The following GRIK3 variants were observed in gnomAD, a reference collection of about 807,000 sequenced individuals.
The protein encoded by GRIK3 is glutamate ionotropic receptor kainate type subunit 3, also known as glutamate receptor ionotropic, kainate 3.
GRIK3 carries 29 observed loss-of-function variants against 102.5 expected under a neutral mutation model. The observed-to-expected ratio is 0.28, with a 90% CI of 0.21 to 0.39. The LOEUF (loss-of-function observed/expected upper bound fraction) is 0.39, where lower values mean the gene tolerates loss of function less well. Among genes scored for constraint, GRIK3 ranks in the 10% least tolerant of loss-of-function variants. The pLI, the probability that GRIK3 is intolerant of heterozygous loss-of-function variation, is 1.00. For missense variants in GRIK3, 908 were observed against 1,252.4 expected (o/e 0.73, Z 4.15); for synonymous variants, 511 against 504.9 (o/e 1.01, Z -0.16).
At chr1:36,844,325 A>C (rs1418402336) in intron 9 of GRIK3, among the ~76,000 whole-genome samples, 1 of 152,256 alleles carries the variant, frequency 6.6e-6, no homozygotes, top group East Asian at 1.9e-4. Flanking sequence ...CCAAGCAGGC[A>C]GCTCAACAAG....
intron 1 of GRIK3, among the ~76,000 whole-genome samples, chr1:37,013,735 G>A (rs539165785): frequency 4.7e-4 from 72 of 152,336 alleles, no homozygotes; most frequent in African/African-American, 1.7e-3. Flanking sequence ...GCAGCTCCAG[G>A]GAAGAATGCA....
At chr1:36,925,594 C>T (rs1170953809) in intron 1 of GRIK3, among the ~76,000 whole-genome samples, 2 of 152,374 alleles carry the variant, frequency 1.3e-5, no homozygotes, top group East Asian at 3.9e-4. Context: ...TCTGGCCTGG[C>T]CTTGCAGTGT....
chr1:36,983,484 C>T (rs924160254), intron 1 of GRIK3, among the ~76,000 whole-genome samples: 1 of 152,116 alleles, frequency 6.6e-6, no homozygotes, highest in Non-Finnish European at 1.5e-5. Context: ...CAGGGACTGT[C>T]CTTGGTGCTC....
intron 1 of GRIK3, among the ~76,000 whole-genome samples, chr1:36,918,337 T>C (rs772652230): frequency 1.2e-4 from 19 of 152,350 alleles, no homozygotes; most frequent in Non-Finnish European, 2.4e-4. Context: ...TTCTGCCCTA[T>C]GTCCCTTTAA....
chr1:37,007,622 G>A (rs759236735), intron 1 of GRIK3, among the ~76,000 whole-genome samples: 2 of 152,234 alleles, frequency 1.3e-5, no homozygotes, highest in Non-Finnish European at 2.9e-5. Context: ...ACGCACAAAC[G>A]CTCCCGCACT....
intron 1 of GRIK3, among the ~76,000 whole-genome samples, chr1:36,901,985 T>G (rs747701543): frequency 2.0e-5 from 3 of 152,188 alleles, no homozygotes; most frequent in Non-Finnish European, 4.4e-5. Flanking sequence ...TACATTAACA[T>G]GCAAAGAAAA....
At chr1:36,894,094 C>T (rs1641147295) in intron 1 of GRIK3, among the ~76,000 whole-genome samples, 1 of 152,172 alleles carries the variant, frequency 6.6e-6, no homozygotes, top group Non-Finnish European at 1.5e-5. Context: ...TTACTGAGTT[C>T]TATGACCATA....
intron 1 of GRIK3, among the ~76,000 whole-genome samples, chr1:36,929,077 AG>A (rs1641560595): frequency 6.6e-6 from 1 of 152,182 alleles, no homozygotes; most frequent in South Asian, 2.1e-4. Context: ...TTTACAGATG[AG>A]GAAACTGAGT....
chr1:36,888,029 C>T (rs769060110), intron 2 of GRIK3, among the ~76,000 whole-genome samples: 1 of 152,108 alleles, frequency 6.6e-6, no homozygotes, highest in Non-Finnish European at 1.5e-5. Context: ...GACCCGCATA[C>T]TTCCACTCCT....
chr1:36,934,649 A>G (rs1373735913), intron 1 of GRIK3, among the ~76,000 whole-genome samples: 2 of 152,198 alleles, frequency 1.3e-5, no homozygotes, highest in Non-Finnish European at 2.9e-5. Context: ...TGCAAAGCAG[A>G]GAGATCTCTC....
chr1:36,977,464 G>A (rs551722245), intron 1 of GRIK3, among the ~76,000 whole-genome samples: 1 of 152,340 alleles, frequency 6.6e-6, no homozygotes, highest in African/African-American at 2.4e-5. Flanking sequence ...TGTAAAAACA[G>A]CAGCTTGAGC....
intron 1 of GRIK3, among the ~76,000 whole-genome samples, chr1:36,937,327 G>A (rs566787314): frequency 1.4e-4 from 21 of 152,300 alleles, no homozygotes; most frequent in African/African-American, 3.6e-4. Flanking sequence ...CAGCCACCAC[G>A]TTCATGGAAG....
intron 1 of GRIK3, among the ~76,000 whole-genome samples, chr1:36,983,988 A>G (rs902913274): frequency 1.3e-5 from 2 of 152,188 alleles, no homozygotes; most frequent in Non-Finnish European, 2.9e-5. Context: ...GACACAGAGC[A>G]GCACCCAATA....
chr1:37,019,326 G>T (rs1031776390), intron 1 of GRIK3, among the ~76,000 whole-genome samples: 1 of 152,194 alleles, frequency 6.6e-6, no homozygotes, highest in Non-Finnish European at 1.5e-5. Flanking sequence ...TTTAGAAGGG[G>T]CAAGGGCAGG....
At chr1:36,848,784 G>GA (rs1482169175) in intron 9 of GRIK3, among the ~76,000 whole-genome samples, 3 of 144,982 alleles carry the variant, frequency 2.1e-5, no homozygotes, top group Non-Finnish European at 4.6e-5. Context: ...TTACATCACA[G>GA]GTTTTTTTTT....
chr1:36,985,760 A>G (rs535545227), intron 1 of GRIK3, among the ~76,000 whole-genome samples: 2 of 152,256 alleles, frequency 1.3e-5, no homozygotes, highest in East Asian at 1.9e-4. Flanking sequence ...TTTGACCTCA[A>G]AGGCACTCAT....
intron 1 of GRIK3, among the ~76,000 whole-genome samples, chr1:36,897,841 C>G (rs1641190129): frequency 1.3e-5 from 2 of 152,186 alleles, no homozygotes; most frequent in South Asian, 4.1e-4. Context: ...TATCTGCACA[C>G]CTATGTTTGT....
At chr1:36,939,961 C>T (rs1204405519) in intron 1 of GRIK3, among the ~76,000 whole-genome samples, 1 of 152,222 alleles carries the variant, frequency 6.6e-6, no homozygotes, top group Non-Finnish European at 1.5e-5. Context: ...CTCAAATCCA[C>T]ATCCCATTTA....
chr1:36,851,345 T>C (rs1408879087), intron 8 of GRIK3, among the ~76,000 whole-genome samples: 10 of 152,214 alleles, frequency 6.6e-5, no homozygotes, highest in Non-Finnish European at 8.8e-5. Context: ...AGTGATAATA[T>C]GAGAGGCAGA....
Sources: gnomAD v4.1 joint callset for allele counts (sites outside exome capture counted in the v4.1 genomes callset) on GRCh38, gnomAD v4.1.1 for gene constraint, MANE v1.5 for transcripts, NCBI Gene and HGNC (gene_info 2026-07-23, HGNC 2026-07-21) for gene names.